NRDC: variants seen among roughly 807,000 people sequenced by gnomAD.
The protein encoded by NRDC is nardilysin.
NRDC carries 54 observed loss-of-function variants against 147.1 expected under a neutral mutation model. The observed-to-expected ratio is 0.37, with a 90% CI of 0.29 to 0.46. The LOEUF is 0.46. Among genes scored for constraint, NRDC ranks in the 20% least tolerant of loss-of-function variants. The pLI is 1.00. For missense variants in NRDC, 1,082 were observed against 1,370.6 expected (o/e 0.79, Z 3.33); for synonymous variants, 440 against 482.1 (o/e 0.91, Z 1.14).
At position 51,792,031 on chromosome 1, in the gene NRDC, T is replaced by C. The variant is rs1357449307; in HGVS notation, c.2876+15A>G. ...GGCCCTTATTTGAGCTCAGTGGCCC[T>C]GCCAGCTGACTTACCCAAGGGTCTG... On this transcript the variant is annotated intron_variant, in intron 26 of 30. Transcript: ENST00000352171. 1 of 1,613,952 alleles carries C rather than the reference T, an allele frequency of 6.2e-7. No individual in the cohort carries two copies. Among genetic ancestry groups the C allele is most frequent in the Admixed American group, 1.7e-5 (1 of 60,024 alleles).
rs1391555175 is a variant in NRDC at position 51,814,151 on chromosome 1, G to T, written c.1620-62C>A. 8 of 1,032,646 alleles carry T rather than the reference G, an allele frequency of 7.7e-6. No individual in the cohort carries two copies. The East Asian group carries it at 1.4e-4, about 18-fold the overall frequency. 64.0% of individuals were successfully genotyped at this position (1,032,646 alleles called of 1,614,324 possible). A position where few individuals can be genotyped will look rare whatever the true frequency, so the allele number is the denominator to read the frequency against. On this transcript the variant is annotated intron_variant, in intron 13 of 30. Transcript: ENST00000352171. Reference sequence around the variant, plus strand: ...AAATTTCTGCCTACTTGAGGGAGAAGGGCGGGAGGAGGGAGAGGATCAGAA... The same window carrying T: ...AAATTTCTGCCTACTTGAGGGAGAATGGCGGGAGGAGGGAGAGGATCAGAA...
chr1:51,857,738 G>C (rs1220069744), intron 1 of NRDC, among the ~76,000 whole-genome samples: 4 of 152,174 alleles, frequency 2.6e-5, no homozygotes, highest in Non-Finnish European at 5.9e-5. Flanking sequence ...CAGTTAAGAG[G>C]CTGCAGATGT....
At chr1:51,815,243 C>T (rs997936694) in intron 11 of NRDC, among the ~76,000 whole-genome samples, 1 of 145,286 alleles carries the variant, frequency 6.9e-6, no homozygotes, top group South Asian at 2.2e-4. Context: ...AGTCTGGTCT[C>T]GAACTCCTGG....
intron 1 of NRDC, among the ~76,000 whole-genome samples, chr1:51,849,347 G>C (rs948824075): frequency 7.9e-5 from 12 of 151,948 alleles, no homozygotes; most frequent in Non-Finnish European, 1.6e-4. Flanking sequence ...CTCGGGAGGC[G>C]GAGCTTGCAG....
At chr1:51,813,913 A>T (rs1480789034) in intron 14 of NRDC, 122 bp downstream of exon 14, 1 of 694,850 alleles carries the variant, frequency 1.4e-6, no homozygotes, top group African/African-American at 1.8e-5. Context: ...CCACCTGGAG[A>T]CTCACATGAC....
chr1:51,861,616 G>T (rs1353572952), intron 1 of NRDC, among the ~76,000 whole-genome samples: 1 of 152,058 alleles, frequency 6.6e-6, no homozygotes, highest in African/African-American at 2.4e-5. Context: ...AAAGTGCTAG[G>T]ATTACAAGTG....
At chr1:51,791,993 A>G in intron 26 of NRDC, 53 bp downstream of exon 26, 1 of 1,586,500 alleles carries the variant, frequency 6.3e-7, no homozygotes. Flanking sequence ...AACAGCCTGC[A>G]AAGTAAGCCC....
intron 21 of NRDC, among the ~76,000 whole-genome samples, chr1:51,800,019 G>A (rs968283903): frequency 6.6e-6 from 1 of 152,194 alleles, no homozygotes; most frequent in Non-Finnish European, 1.5e-5. Flanking sequence ...CTGTCATGCA[G>A]GTTGGTGTGC....
intron 1 of NRDC, among the ~76,000 whole-genome samples, chr1:51,853,186 C>T (rs775146462): frequency 6.6e-6 from 1 of 151,184 alleles, no homozygotes; most frequent in Non-Finnish European, 1.5e-5. Context: ...ACATGGCACT[C>T]CAGCCTGGGT....
At chr1:51,806,958 G>A in intron 17 of NRDC, 45 bp from the exon 18 acceptor site, 1 of 1,595,844 alleles carries the variant, frequency 6.3e-7, no homozygotes, top group Non-Finnish European at 8.5e-7. Context: ...ATTTCAGCAG[G>A]AGCCCCAGTA....
At chr1:51,789,898 TA>T in intron 29 of NRDC, 1 of 527,782 alleles carries the variant, frequency 1.9e-6, no homozygotes, top group East Asian at 3.3e-5. Flanking sequence ...TAATTACAGC[TA>T]AATACCATAC....
At chr1:51,828,964 A>G (rs1175786989) in intron 4 of NRDC, among the ~76,000 whole-genome samples, 1 of 152,184 alleles carries the variant, frequency 6.6e-6, no homozygotes, top group East Asian at 1.9e-4. Context: ...TTTGCTTGCA[A>G]TAAGGTAACT....
chr1:51,865,478 A>G (rs1214777132), intron 1 of NRDC, among the ~76,000 whole-genome samples: 1 of 151,678 alleles, frequency 6.6e-6, no homozygotes, highest in Non-Finnish European at 1.5e-5. Flanking sequence ...CTAATTTACT[A>G]TTTTTGTAGA....
At chr1:51,850,833 GGTTA>G (rs1362297467) in intron 1 of NRDC, among the ~76,000 whole-genome samples, 2 of 152,120 alleles carry the variant, frequency 1.3e-5, no homozygotes, top group African/African-American at 4.8e-5. Context: ...AGAATTTAAG[GGTTA>G]GTCACCTGGT....
intron 26 of NRDC, 142 bp downstream of exon 26, chr1:51,791,904 C>G (rs1003243446): frequency 5.6e-6 from 5 of 891,966 alleles, no homozygotes; most frequent in Non-Finnish European, 8.6e-6. Context: ...GATACAAATT[C>G]CAAAAGTTTG....
intron 6 of NRDC, among the ~76,000 whole-genome samples, chr1:51,824,123 T>C (rs927813357): frequency 8.0e-6 from 1 of 124,834 alleles, no homozygotes; most frequent in Non-Finnish European, 1.6e-5. Context: ...TGCCTAATTC[T>C]TTTTTTTTTT....
At chr1:51,792,236 G>T in intron 25 of NRDC, 138 bp from the exon 26 acceptor site, 1 of 1,333,896 alleles carries the variant, frequency 7.5e-7, no homozygotes, top group Non-Finnish European at 1.1e-6. Context: ...GGCTTATACT[G>T]GGTGAGAACA....
intron 1 of NRDC, among the ~76,000 whole-genome samples, chr1:51,869,840 T>G (rs1459534230): frequency 1.3e-5 from 2 of 152,222 alleles, no homozygotes; most frequent in Non-Finnish European, 1.5e-5. Context: ...TTTGTATCAT[T>G]TGCACTTCTG....
At chr1:51,830,360 C>G (rs1680654691) in intron 4 of NRDC, among the ~76,000 whole-genome samples, 1 of 152,178 alleles carries the variant, frequency 6.6e-6, no homozygotes, top group Non-Finnish European at 1.5e-5. Flanking sequence ...GTTATCTGTT[C>G]TCAATCATGT....
Sources: allele counts gnomAD v4.1 joint callset (sites outside exome capture counted in the v4.1 genomes callset), GRCh38; gene constraint gnomAD v4.1.1; transcripts MANE v1.5; gene names NCBI Gene and HGNC (gene_info 2026-07-23, HGNC 2026-07-21).